The following PCDHGA3 variants were observed in gnomAD, a reference collection of about 807,000 sequenced individuals.
PCDHGA3 encodes protocadherin gamma-A3.
A neutral mutation model predicts 58.5 loss-of-function variants in PCDHGA3; 40 were observed. That is an observed-to-expected ratio of 0.68 (90% confidence interval 0.53 to 0.89). The LOEUF (loss-of-function observed/expected upper bound fraction) is 0.89, where lower values mean the gene tolerates loss of function less well. PCDHGA3 is among the 40% of genes least tolerant of loss of function. The pLI is 0.00. For missense variants in PCDHGA3, 1,223 were observed against 1,195.9 expected (o/e 1.02, Z -0.33); for synonymous variants, 530 against 525.7 (o/e 1.01, Z -0.11).
In PCDHGA3 at chr5:141,388,846, A is replaced by G. The variant is rs758753526; in HGVS notation, c.2424+42389A>G. ...TATTCCATAGTTTTGGAAGCAAGGG[A>G]CGGTGGAGGAATGATTGCGCAATGC... On this transcript the variant is annotated intron_variant, in intron 1 of 3. Coordinates refer to ENST00000253812, the MANE Select transcript of PCDHGA3 (RefSeq NM_018916.4). The G allele has an allele frequency of 5.6e-6, 9 of 1,613,870 alleles. No homozygotes were observed. In the East Asian group the frequency reaches 2.0e-4, roughly 36 times the overall value.
chr5:141,384,492 A>G, intron 1 of PCDHGA3: 1 of 1,614,164 alleles, frequency 6.2e-7, no homozygotes, highest in South Asian at 1.1e-5. Flanking sequence ...TACAACTAAG[A>G]GTGACTGCAC....
chr5:141,365,193 T>C (rs1349681128), intron 1 of PCDHGA3: 2 of 1,613,644 alleles, frequency 1.2e-6, no homozygotes, highest in Non-Finnish European at 1.7e-6. Context: ...GAAGAAAAAA[T>C]TTCGGAGACT....
At chr5:141,355,062 G>T in intron 1 of PCDHGA3, 1 of 1,307,732 alleles carries the variant, frequency 7.6e-7, no homozygotes, top group Non-Finnish European at 1.0e-6. Flanking sequence ...TGGCTCTGGA[G>T]CTTTATGAAA....
Position 141,443,030 on chromosome 5 carries a change from C to A in PCDHGA3, c.2425-51777C>A, listed in dbSNP as rs147317486. ...ATATGACTAATGGAAGTTGCCAGAC[C>A]TAAACTTTGAAAATTATTGTTCCAC... On this transcript the variant is annotated intron_variant, in intron 1 of 3. Transcript: ENST00000253812. Among the ~76,000 whole-genome samples, 31 of 152,290 alleles carry A rather than the reference C, an allele frequency of 2.0e-4. No individual in the cohort carries two copies. The East Asian group carries it at 3.5e-3, about 17-fold the overall frequency.
chr5:141,465,385 C>T (rs752724696), intron 1 of PCDHGA3, among the ~76,000 whole-genome samples: 3 of 151,978 alleles, frequency 2.0e-5, no homozygotes, highest in Admixed American at 6.6e-5. Context: ...AGATTAGGAA[C>T]AAAAACAAGT....
rs1757378436 is a variant in PCDHGA3 at position 141,344,169 on chromosome 5, G to T, written c.136G>T (p.Gly46Cys). Reference sequence around the variant, plus strand: ...GGAGCTAGATAAAGGTTCCTTCGTGGGCAACATCGCTAACGACCTGGGGCT... The same window carrying T: ...GGAGCTAGATAAAGGTTCCTTCGTGTGCAACATCGCTAACGACCTGGGGCT... ...SEELDKGSFV[G>C]NIANDLGLEP... is the part of the protein sequence containing the mutation. Residue 46 changes from glycine to cysteine, a missense_variant, in exon 1 of 4, where the codon GGC becomes TGC. By Grantham distance (159) the Gly-to-Cys change is radical. Around this residue, in one of 3 missense-constraint regions of PCDHGA3, gnomAD observed 791 missense variants for 708.5 expected, o/e 1.12. Transcript: ENST00000253812. The T allele has an allele frequency of 5.6e-6, 9 of 1,614,048 alleles. No homozygotes were observed. The highest frequency in any genetic ancestry group is 7.6e-6 in the Non-Finnish European group (9 of 1,179,906).
chr5:141,352,606 T>C (rs1366589335), intron 1 of PCDHGA3: 1 of 1,613,482 alleles, frequency 6.2e-7, no homozygotes, highest in African/African-American at 1.3e-5. Flanking sequence ...ATGATCCTTC[T>C]ATGGTTGTAT....
chr5:141,415,119 G>A, intron 1 of PCDHGA3: 1 of 1,613,666 alleles, frequency 6.2e-7, no homozygotes, highest in African/African-American at 1.3e-5. Flanking sequence ...GCCTCGTAGT[G>A]GCCGTCCAGG....
rs900334527 is a variant in PCDHGA3, at chr5:141,345,394, A to T, written c.1361A>T (p.His454Leu). 1 of 1,613,930 alleles carries T rather than the reference A, an allele frequency of 6.2e-7. No individual in the cohort carries two copies. Among genetic ancestry groups the T allele is most frequent in the Non-Finnish European group, 8.5e-7 (1 of 1,180,004 alleles). The change falls in exon 1 of 4, where the codon CAT (histidine) becomes CTT (leucine). Residue 454 changes from histidine (H) to leucine (L), a missense_variant. By Grantham distance (99) the His-to-Leu change is moderately conservative. Coordinates refer to ENST00000253812, the MANE Select transcript of PCDHGA3 (RefSeq NM_018916.4). ...AATGACAACCCACCCACCTTCCCTC[A>T]TTTATCCTACTCCGCCTACATTCCA... Reference protein sequence around the residue: ...DINDNPPTFPHLSYSAYIPEN... With the variant: ...DINDNPPTFPLLSYSAYIPEN...
intron 1 of PCDHGA3, among the ~76,000 whole-genome samples, chr5:141,435,043 C>T (rs2097739230): frequency 1.3e-5 from 2 of 151,658 alleles, no homozygotes; most frequent in African/African-American, 2.4e-5. Flanking sequence ...ATTTTTTTCC[C>T]ATTGACCATG....
intron 1 of PCDHGA3, chr5:141,356,283 C>T: frequency 1.3e-6 from 2 of 1,557,262 alleles, no homozygotes; most frequent in Non-Finnish European, 1.7e-6. Flanking sequence ...AATCTTCTTC[C>T]CCGGGTACAG....
At chr5:141,373,886 A>G in intron 1 of PCDHGA3, 1 of 500,972 alleles carries the variant, frequency 2.0e-6, no homozygotes, top group Non-Finnish European at 3.4e-6. Context: ...AATCAACGGA[A>G]ACTCAAGTTA....
rs530404769 is a variant in PCDHGA3, at chr5:141,423,267, G to C, written c.2425-71540G>C. On this transcript the variant is annotated intron_variant, in intron 1 of 3. Coordinates refer to ENST00000253812, the MANE Select transcript of PCDHGA3 (RefSeq NM_018916.4). ...TCCTGGCGGACCTCGGCAGCCTCGA[G>C]TCTCTGGCTAACTCTGAAACCTCAG... The C allele has an allele frequency of 2.5e-6, 4 of 1,613,710 alleles. No individual in the cohort carries two copies. In the South Asian group the frequency reaches 4.4e-5, roughly 18 times the overall value.
intron 1 of PCDHGA3, among the ~76,000 whole-genome samples, chr5:141,445,733 T>C (rs1031885468): frequency 6.6e-6 from 1 of 152,186 alleles, no homozygotes; most frequent in Non-Finnish European, 1.5e-5. Context: ...TGTGTAAAGA[T>C]CTTTTTAAAA....
intron 1 of PCDHGA3, chr5:141,414,124 G>T (rs1214312992): frequency 6.3e-7 from 1 of 1,592,872 alleles, no homozygotes; most frequent in East Asian, 2.3e-5. Flanking sequence ...TGAAGAAACC[G>T]GTTTCTATGA....
At chr5:141,385,316 G>T in intron 1 of PCDHGA3, 2 of 1,610,350 alleles carry the variant, frequency 1.2e-6, no homozygotes, top group Non-Finnish European at 1.7e-6. Flanking sequence ...AACCTGCCAA[G>T]TATTCAGGTG....
intron 1 of PCDHGA3, among the ~76,000 whole-genome samples, chr5:141,386,366 C>A (rs2090545743): frequency 6.6e-6 from 1 of 151,962 alleles, no homozygotes; most frequent in Non-Finnish European, 1.5e-5. Context: ...ATTCCAGAGA[C>A]CTTTGAGTAT....
intron 1 of PCDHGA3, chr5:141,367,404 G>C (rs919849034): frequency 1.3e-5 from 2 of 152,244 alleles, no homozygotes; most frequent in African/African-American, 4.8e-5. Flanking sequence ...GGGCGTGGTG[G>C]CAGGCGCCTG....
chr5:141,374,078 C>A, intron 1 of PCDHGA3: 1 of 1,516,122 alleles, frequency 6.6e-7, no homozygotes, highest in Non-Finnish European at 8.8e-7. Flanking sequence ...TCCTAATAAG[C>A]CAGTAATGGC....
Sources: gnomAD v4.1 joint callset for allele counts (sites outside exome capture counted in the v4.1 genomes callset) on GRCh38, gnomAD v4.1.1 for gene constraint, gnomAD v4.1.1 regional missense constraint, MANE v1.5 for transcripts, NCBI Gene and HGNC (gene_info 2026-07-23, HGNC 2026-07-21) for gene names.